SEM1: variants seen among roughly 807,000 people sequenced by gnomAD.
SEM1 encodes SEM1 26S proteasome subunit.
A neutral mutation model predicts 12.7 loss-of-function variants in SEM1; 3 were observed. That is an observed-to-expected ratio of 0.24 (90% CI 0.11 to 0.61). SEM1 has a LOEUF of 0.61. SEM1 is among the 20% of genes least tolerant of loss of function. The pLI, the probability that SEM1 is intolerant of heterozygous loss-of-function variation, is 0.88. For missense variants in SEM1, 59 were observed against 81.3 expected (o/e 0.73, Z 1.06); for synonymous variants, 30 against 27.8 (o/e 1.08, Z -0.25).
At chr7:96,555,092 T>C (rs1365206659) in intron 2 of SEM1, among the ~76,000 whole-genome samples, 2 of 151,666 alleles carry the variant, frequency 1.3e-5, no homozygotes, top group Non-Finnish European at 2.9e-5. Flanking sequence ...CTCTCTTTTC[T>C]TCTTTATTAG....
At chr7:96,700,892 T>C (rs1459974462) in intron 1 of SEM1, among the ~76,000 whole-genome samples, 1 of 152,190 alleles carries the variant, frequency 6.6e-6, no homozygotes, top group African/African-American at 2.4e-5. Context: ...TAATGTATGT[T>C]ACTATTTTAT....
chr7:96,707,653 TTTTTG>T (rs1245102807), intron 1 of SEM1, among the ~76,000 whole-genome samples: 2 of 152,192 alleles, frequency 1.3e-5, no homozygotes, highest in African/African-American at 2.4e-5. Context: ...TCCTTTTACC[TTTTTG>T]TTTTGTTTTA....
At position 96,529,510 on chromosome 7, in the gene SEM1, T is replaced by TA. The variant is rs573837555; in HGVS notation, c.171-22813dup. Among the ~76,000 whole-genome samples the TA allele has an allele frequency of 1.2e-4, 18 of 152,218 alleles. No homozygotes were observed. The East Asian group carries it at 2.9e-3, about 25-fold the overall frequency. The stretch of plus-strand genomic sequence containing the variant: ...CTAAAAATCAGTTATCTCTTCCTCA[T>TA]AAAAATATTCATGTAAAATAATTTG... On this transcript the variant is annotated intron_variant and NMD_transcript_variant, in intron 2 of 3. Transcript: ENST00000466986.
chr7:96,549,945 T>C (rs904470136), intron 2 of SEM1, among the ~76,000 whole-genome samples: 1 of 152,104 alleles, frequency 6.6e-6, no homozygotes, highest in African/African-American at 2.4e-5. Flanking sequence ...AATTTATAAA[T>C]AGAGTTTCAC....
At chr7:96,484,141 G>A (rs1221375561) in intron 3 of SEM1, among the ~76,000 whole-genome samples, 1 of 152,112 alleles carries the variant, frequency 6.6e-6, no homozygotes, top group Non-Finnish European at 1.5e-5. Flanking sequence ...TGTTAAGTAA[G>A]TTCCCCAAAA....
rs184352527 is a variant in SEM1 at position 96,651,167 on chromosome 7, T to G, written c.171-28524A>C. Among the ~76,000 whole-genome samples the G allele has an allele frequency of 5.6e-3, 847 of 152,322 alleles. 8 individuals are homozygous for G. The highest frequency in any genetic ancestry group is 0.019 in the African/African-American group (777 of 41,558). ...CCTAAACTTTGTAGGAAATGTCACCTCTTGTGGCCAGTGGTAATAAATTAG... is the reference window on the plus strand; with the variant it reads ...CCTAAACTTTGTAGGAAATGTCACCGCTTGTGGCCAGTGGTAATAAATTAG... On this transcript the variant is annotated intron_variant, in intron 2 of 2. Transcript: ENST00000417009.
intron 2 of SEM1, among the ~76,000 whole-genome samples, chr7:96,562,443 G>A (rs1420650731): frequency 6.6e-6 from 1 of 152,158 alleles, no homozygotes; most frequent in Non-Finnish European, 1.5e-5. Flanking sequence ...TAAAAGTTTA[G>A]CAGGGAGAGA....
chr7:96,500,289 G>A (rs4601249), upstream of SEM1, among the ~76,000 whole-genome samples: 49,930 of 151,614 alleles, frequency 0.33, 9,877 homozygotes, highest in East Asian at 0.67. Flanking sequence ...TGGCCGCATC[G>A]AAGGCAGGTG....
intron 2 of SEM1, among the ~76,000 whole-genome samples, chr7:96,581,705 T>G (rs1245840483): frequency 6.6e-6 from 1 of 152,178 alleles, no homozygotes; most frequent in African/African-American, 2.4e-5. Context: ...TAAGTTGGAT[T>G]CCTAGGTATT....
At chr7:96,643,253 C>G (rs962229757) in intron 2 of SEM1, among the ~76,000 whole-genome samples, 1 of 152,068 alleles carries the variant, frequency 6.6e-6, no homozygotes, top group African/African-American at 2.4e-5. Flanking sequence ...GCCTCCAGCT[C>G]CATCCATGTT....
In SEM1 at chr7:96,604,427, G is replaced by A. The variant is rs114248047; in HGVS notation, c.170+90371C>T. On this transcript the variant is annotated intron_variant and NMD_transcript_variant, in intron 2 of 3. Coordinates refer to the SEM1 transcript ENST00000466986. Reference sequence around the variant, plus strand: ...TCTGATGTCCCTAGTGTCATTTCATGTAATATTATGAATTTAACATTCATG... The same window carrying A: ...TCTGATGTCCCTAGTGTCATTTCATATAATATTATGAATTTAACATTCATG... Among the ~76,000 whole-genome samples the A allele has an allele frequency of 2.1e-3, 326 of 152,210 alleles. 1 individual carries two copies. Among genetic ancestry groups the A allele is most frequent in the African/African-American group, 7.7e-3 (319 of 41,520 alleles).
intron 2 of SEM1, among the ~76,000 whole-genome samples, chr7:96,581,678 G>T (rs537110467): frequency 1.1e-4 from 17 of 152,216 alleles, no homozygotes; most frequent in South Asian, 6.2e-4. Context: ...CCTTGAAGAG[G>T]TCTTTCACAG....
chr7:96,584,026 A>C (rs1806515552), intron 2 of SEM1, among the ~76,000 whole-genome samples: 1 of 151,088 alleles, frequency 6.6e-6, no homozygotes, highest in African/African-American at 2.4e-5. Flanking sequence ...TTAGCTGGTT[A>C]TTTTGCTCGT....
At chr7:96,687,647 G>T (rs924670715), downstream of SEM1, among the ~76,000 whole-genome samples, 2 of 151,932 alleles carry the variant, frequency 1.3e-5, no homozygotes, top group African/African-American at 2.4e-5. Flanking sequence ...GTGGGGAGAG[G>T]GGGGAGGGAT....
downstream of SEM1, among the ~76,000 whole-genome samples, chr7:96,671,279 A>AT (rs1789309817): frequency 1.3e-5 from 2 of 152,136 alleles, no homozygotes; most frequent in Non-Finnish European, 2.9e-5. Context: ...TTTTGGTGAC[A>AT]TTTTTTCAGT....
chr7:96,700,936 C>T (rs1481698953), intron 1 of SEM1, among the ~76,000 whole-genome samples: 2 of 152,008 alleles, frequency 1.3e-5, no homozygotes, highest in Non-Finnish European at 2.9e-5. Context: ...TTATTAAGTA[C>T]TTGTGGAAAA....
intron 2 of SEM1, among the ~76,000 whole-genome samples, chr7:96,553,169 C>G (rs910098377): frequency 4.6e-4 from 70 of 150,980 alleles, no homozygotes; most frequent in African/African-American, 1.6e-3. Context: ...ATGGTAGTTT[C>G]TTTTGCTGTG....
At chr7:96,589,386 T>TGCTTCTTGCTGAGCTGATCTGTAG (rs1806757385) in intron 2 of SEM1, among the ~76,000 whole-genome samples, 2 of 151,974 alleles carry the variant, frequency 1.3e-5, no homozygotes, top group African/African-American at 4.8e-5. Flanking sequence ...GGTCACTGTA[T>TGCTTCTTGCTGAGCTGATCTGTAG]GTGCTTCTTG....
intron 2 of SEM1, among the ~76,000 whole-genome samples, chr7:96,661,284 T>G (rs115718233): frequency 6.6e-6 from 1 of 152,170 alleles, no homozygotes; most frequent in African/African-American, 2.4e-5. Context: ...GGAAAGACAT[T>G]TGCACCTAAG....
Sources: gnomAD v4.1 joint callset for allele counts (sites outside exome capture counted in the v4.1 genomes callset) on GRCh38, gnomAD v4.1.1 for gene constraint, MANE v1.5 for transcripts, NCBI Gene and HGNC (gene_info 2026-07-23, HGNC 2026-07-21) for gene names.